The following EPHA6 variants were observed in gnomAD, a reference collection of about 807,000 sequenced individuals.
EPHA6 encodes the protein EPH receptor A6, also known as ephrin type-A receptor 6.
Under a neutral mutation model 112.0 loss-of-function variants are expected in EPHA6, and 50 were observed. The observed-to-expected ratio is 0.45, with a 90% CI of 0.36 to 0.56. EPHA6 has a LOEUF of 0.56. Among genes scored for constraint, EPHA6 ranks in the 20% least tolerant of loss-of-function variants. EPHA6 has a pLI of 0.00. For synonymous variants in EPHA6, 529 were observed against 490.7 expected (o/e 1.08, Z -1.03); for missense variants, 1,280 against 1,417.4 (o/e 0.90, Z 1.56).
rs2045909408 is a variant in EPHA6, at chr3:97,058,173, A to C, written c.1114+70180A>C. ...TTTATAAACATTACCACATGTTTAC[A>C]TATACAAAGGTATGCATGTTTATAT... On this transcript the variant is annotated intron_variant, in intron 3 of 17. Transcript: ENST00000389672. Among the ~76,000 whole-genome samples the C allele has an allele frequency of 3.3e-5, 5 of 152,154 alleles. No individual in the cohort carries two copies. In the South Asian group the frequency reaches 1.0e-3, roughly 31 times the overall value.
intron 6 of EPHA6, among the ~76,000 whole-genome samples, chr3:97,442,127 T>G (rs1027785158): frequency 6.6e-6 from 1 of 152,180 alleles, no homozygotes; most frequent in Non-Finnish European, 1.5e-5. Context: ...TTTTTATGAC[T>G]ATAAGCTCTT....
intron 11 of EPHA6, among the ~76,000 whole-genome samples, chr3:97,573,990 C>A (rs1041823970): frequency 7.2e-5 from 11 of 152,046 alleles, no homozygotes; most frequent in African/African-American, 2.7e-4. Context: ...TCTAAGATCC[C>A]TTGCTTGAAT....
At chr3:96,864,925 A>T (rs2036220843) in intron 1 of EPHA6, among the ~76,000 whole-genome samples, 1 of 152,078 alleles carries the variant, frequency 6.6e-6, no homozygotes, top group African/African-American at 2.4e-5. Flanking sequence ...TTTTGGAAAT[A>T]CATGTTGAAT....
chr3:96,895,021 C>T (rs2038188102), intron 2 of EPHA6, among the ~76,000 whole-genome samples: 1 of 152,152 alleles, frequency 6.6e-6, no homozygotes, highest in Non-Finnish European at 1.5e-5. Flanking sequence ...ATAGAAGAAA[C>T]AAACCAAGCA....
At chr3:97,130,455 A>C (rs1382132106) in intron 3 of EPHA6, among the ~76,000 whole-genome samples, 1 of 152,000 alleles carries the variant, frequency 6.6e-6, no homozygotes, top group Non-Finnish European at 1.5e-5. Flanking sequence ...TTTGTTTTTT[A>C]ATATCTATGT....
At chr3:97,458,188 G>T (rs2090763412) in intron 7 of EPHA6, among the ~76,000 whole-genome samples, 1 of 149,182 alleles carries the variant, frequency 6.7e-6, no homozygotes, top group Admixed American at 6.7e-5. Flanking sequence ...TGGCAAAATT[G>T]CAGGAGCGCT....
At chr3:97,597,065 G>C (rs902439817) in intron 12 of EPHA6, among the ~76,000 whole-genome samples, 55 of 151,550 alleles carry the variant, frequency 3.6e-4, no homozygotes, top group African/African-American at 1.3e-3. Context: ...GTCTATGAAA[G>C]AGAGAACTAG....
chr3:97,056,757 G>C (rs1430803634), intron 3 of EPHA6, among the ~76,000 whole-genome samples: 2 of 152,154 alleles, frequency 1.3e-5, no homozygotes, highest in Non-Finnish European at 2.9e-5. Flanking sequence ...GGTTTGCAAC[G>C]CGGCATCTTC....
rs138095111 is a variant in EPHA6, at chr3:97,244,563, G to A, written c.1606+276G>A. The stretch of plus-strand genomic sequence containing the variant: ...ATCATATAACAATATATCTTAATGA[G>A]TAAGTCCATATTACTTACCAATAGA... On this transcript the variant is annotated intron_variant, in intron 5 of 17. Transcript: ENST00000389672. 1.7e-3 allele frequency: 722 copies of A among 416,508 alleles called. 4 individuals carry two copies. The highest frequency in any genetic ancestry group is 6.1e-4 in the Non-Finnish European group (145 of 236,120). 25.8% of individuals were successfully genotyped at this position (416,508 alleles called of 1,614,324 possible). A position where few individuals can be genotyped will look rare whatever the true frequency, so the allele number is the denominator to read the frequency against.
intron 2 of EPHA6, among the ~76,000 whole-genome samples, chr3:96,974,766 G>A (rs1021095645): frequency 1.3e-5 from 2 of 152,006 alleles, no homozygotes; most frequent in Non-Finnish European, 2.9e-5. Context: ...AAAGCTTTTG[G>A]TTAAGCAAGA....
At chr3:97,572,441 C>T (rs145892703) in intron 11 of EPHA6, among the ~76,000 whole-genome samples, 12 of 152,160 alleles carry the variant, frequency 7.9e-5, no homozygotes, top group East Asian at 3.9e-4. Context: ...TGAGACACCG[C>T]GCCTGGCAAA....
At chr3:97,593,165 A>T (rs2093560357) in intron 12 of EPHA6, among the ~76,000 whole-genome samples, 2 of 152,196 alleles carry the variant, frequency 1.3e-5, no homozygotes, top group African/African-American at 4.8e-5. Flanking sequence ...TACAGAAAAA[A>T]AAATGATTTG....
At chr3:96,913,195 CACA>C in intron 2 of EPHA6, among the ~76,000 whole-genome samples, 1 of 134,364 alleles carries the variant, frequency 7.4e-6, no homozygotes, top group Non-Finnish European at 1.6e-5. Flanking sequence ...CACACACACA[CACA>C]CACACACACA....
At position 97,127,316 on chromosome 3, in the gene EPHA6, G is replaced by A. The variant is rs376653769; in HGVS notation, c.1115-98948G>A. ...TGATAAGGATGTTCCTTTCCTCCAG[G>A]TATAGGGTGGGCACCTCTCAAATGA... On this transcript the variant is annotated intron_variant, in intron 3 of 17. Coordinates refer to ENST00000389672, the MANE Select transcript of EPHA6 (RefSeq NM_001080448.3). 3.4e-3 allele frequency among the ~76,000 whole-genome samples: 516 copies of A among 152,206 alleles called. 1 individual carries two copies. The highest frequency in any genetic ancestry group is 0.012 in the African/African-American group (480 of 41,552).
intron 12 of EPHA6, among the ~76,000 whole-genome samples, chr3:97,610,149 G>A (rs551760329): frequency 6.6e-6 from 1 of 151,624 alleles, no homozygotes; most frequent in East Asian, 1.9e-4. Flanking sequence ...TATTTTTCAT[G>A]TACTGCCATC....
chr3:97,549,725 A>T (rs1166238867), intron 11 of EPHA6, among the ~76,000 whole-genome samples: 1 of 152,002 alleles, frequency 6.6e-6, no homozygotes, highest in Non-Finnish European at 1.5e-5. Flanking sequence ...CAGGAGAAAA[A>T]CTGGAACTCA....
At chr3:97,346,111 T>C (rs904527659) in intron 5 of EPHA6, among the ~76,000 whole-genome samples, 3 of 152,144 alleles carry the variant, frequency 2.0e-5, no homozygotes, top group African/African-American at 7.2e-5. Context: ...GGTTGGGGTC[T>C]ACTATCCTGT....
At position 97,611,681 on chromosome 3, in the gene EPHA6, GTCTA is replaced by G. The variant is rs931708713; in HGVS notation, c.2574+837_2574+840del. ...TTAATATCTATCTATCTGTCTATCT[GTCTA>G]TCTATCTATATATATATAACTATTT... is the stretch of plus-strand genomic sequence containing the variant. On this transcript the variant is annotated intron_variant, in intron 13 of 17. Coordinates refer to ENST00000389672, the MANE Select transcript of EPHA6 (RefSeq NM_001080448.3). Among the ~76,000 whole-genome samples, 20 of 151,652 alleles carry G rather than the reference GTCTA, an allele frequency of 1.3e-4. No individual in the cohort carries two copies. In the South Asian group the frequency reaches 1.5e-3, roughly 11 times the overall value.
intron 3 of EPHA6, among the ~76,000 whole-genome samples, chr3:97,219,531 C>A (rs546468721): frequency 6.6e-6 from 1 of 152,294 alleles, no homozygotes; most frequent in South Asian, 2.1e-4. Context: ...ATAGCCCAAG[C>A]TGTACCTTGG....
Sources: allele counts gnomAD v4.1 joint callset (sites outside exome capture counted in the v4.1 genomes callset), GRCh38; gene constraint gnomAD v4.1.1; transcripts MANE v1.5; gene names NCBI Gene and HGNC (gene_info 2026-07-23, HGNC 2026-07-21).